NRXN3: variants seen among roughly 807,000 people sequenced by gnomAD.
The protein encoded by NRXN3 is neurexin III.
Under a neutral mutation model 137.6 loss-of-function variants are expected in NRXN3, and 32 were observed. That is an observed-to-expected ratio of 0.23 (90% CI 0.18 to 0.31). The LOEUF (loss-of-function observed/expected upper bound fraction) is 0.31, where lower values mean the gene tolerates loss of function less well. Ranked by LOEUF, NRXN3 falls within the 10% of genes least tolerant of loss-of-function variation. The pLI is 1.00. For synonymous variants in NRXN3, 798 were observed against 784.5 expected (o/e 1.02, Z -0.29); for missense variants, 1,574 against 2,062.5 (o/e 0.76, Z 4.59).
At chr14:79,203,040 G>T (rs1007403986) in intron 15 of NRXN3, among the ~76,000 whole-genome samples, 2 of 151,804 alleles carry the variant, frequency 1.3e-5, no homozygotes, top group Non-Finnish European at 2.9e-5. Context: ...TTGATTTTTT[G>T]ATTATGGCCA....
At chr14:79,608,819 C>T (rs2098059506) in intron 16 of NRXN3, among the ~76,000 whole-genome samples, 1 of 151,900 alleles carries the variant, frequency 6.6e-6, no homozygotes, top group South Asian at 2.1e-4. Context: ...AAACCCCAAA[C>T]CTTTATGTAA....
chr14:79,039,096 G>A (rs956674099), intron 15 of NRXN3, among the ~76,000 whole-genome samples: 10 of 152,086 alleles, frequency 6.6e-5, no homozygotes, highest in Admixed American at 5.2e-4. Context: ...AGGTGTCTCC[G>A]AAAGAACTCT....
At chr14:79,433,079 T>C (rs2095790315) in intron 15 of NRXN3, among the ~76,000 whole-genome samples, 1 of 152,200 alleles carries the variant, frequency 6.6e-6, no homozygotes, top group Non-Finnish European at 1.5e-5. Context: ...ACATTCTAAA[T>C]TTATAGTGCA....
In NRXN3 at chr14:78,760,972, G is replaced by A. The variant is rs2098690532; in HGVS notation, c.2045-42648G>A. 3.3e-5 allele frequency among the ~76,000 whole-genome samples: 5 copies of A among 152,140 alleles called. No individual in the cohort carries two copies. The South Asian group carries it at 1.0e-3, about 31-fold the overall frequency. On this transcript the variant is annotated intron_variant, in intron 8 of 20. Transcript: ENST00000335750. The stretch of plus-strand genomic sequence containing the variant: ...AAGGTAGTAATTACCAAACAGAGTA[G>A]TATAGATCACCGTAATGACATATTT...
At chr14:79,049,159 G>A (rs1482006097) in intron 15 of NRXN3, among the ~76,000 whole-genome samples, 1 of 146,066 alleles carries the variant, frequency 6.8e-6, no homozygotes, top group Non-Finnish European at 1.5e-5. Context: ...TCTGTACTAT[G>A]TGATGCTGTT....
rs2099192528 is a variant in NRXN3, at chr14:79,803,936, TATATATATGTATATATATATAC to T, written c.4015-1163_4015-1142del. Among the ~76,000 whole-genome samples the T allele has an allele frequency of 2.9e-5, 4 of 139,906 alleles. No homozygotes were observed. The South Asian group carries it at 6.9e-4, about 24-fold the overall frequency. 91.8% of individuals were successfully genotyped at this position (139,906 alleles called of 152,430 possible). On this transcript the variant is annotated intron_variant, in intron 19 of 20. Transcript: ENST00000335750. ...ATGTATATATATATATGTGTGTGTA[TATATATATGTATATATATATAC>T]ATATATATGTATGTATGTATGTGTA...
chr14:79,719,038 T>C (rs1470705476), intron 19 of NRXN3, among the ~76,000 whole-genome samples: 1 of 152,184 alleles, frequency 6.6e-6, no homozygotes, highest in Non-Finnish European at 1.5e-5. Context: ...GTTACCTTCT[T>C]TTAGAAAACA....
chr14:78,444,196 A>G (rs2094345376), intron 4 of NRXN3, among the ~76,000 whole-genome samples: 1 of 152,182 alleles, frequency 6.6e-6, no homozygotes, highest in Admixed American at 6.5e-5. Context: ...TCCCTCAAAT[A>G]TTTTATTCTC....
chr14:78,584,694 C>G (rs1486040645), intron 4 of NRXN3, among the ~76,000 whole-genome samples: 1 of 152,208 alleles, frequency 6.6e-6, no homozygotes, highest in Non-Finnish European at 1.5e-5. Context: ...TGTAACATAA[C>G]CTCCTTCTCC....
intron 6 of NRXN3, among the ~76,000 whole-genome samples, chr14:78,698,838 G>T (rs1054192581): frequency 6.6e-6 from 1 of 151,998 alleles, no homozygotes; most frequent in Admixed American, 6.6e-5. Context: ...GTGGTTCCAA[G>T]AAATGCCTTT....
chr14:78,645,747 C>G (rs114856917), intron 5 of NRXN3, among the ~76,000 whole-genome samples: 1,595 of 151,652 alleles, frequency 0.011, 33 homozygotes, highest in African/African-American at 0.037. Flanking sequence ...TGAATCTTAT[C>G]GTATTATTGT....
chr14:78,952,233 G>GT (rs35821335), intron 10 of NRXN3, among the ~76,000 whole-genome samples: 3,909 of 149,910 alleles, frequency 0.026, 76 homozygotes, highest in African/African-American at 0.05. Context: ...GATTTAAAAT[G>GT]TTTTTTTTTT....
At chr14:79,373,492 GT>G (rs1340762836) in intron 15 of NRXN3, among the ~76,000 whole-genome samples, 1 of 152,134 alleles carries the variant, frequency 6.6e-6, no homozygotes, top group African/African-American at 2.4e-5. Context: ...AAGCGATTTA[GT>G]TTTTTGCATT....
chr14:78,547,213 TTA>T (rs60203896), intron 4 of NRXN3, among the ~76,000 whole-genome samples: 50,812 of 132,438 alleles, frequency 0.38, 8,539 homozygotes, highest in Non-Finnish European at 0.42. Context: ...TTTTTTTCAT[TTA>T]TTTTTTTTTG....
chr14:78,807,526 G>A (rs2098880320), intron 9 of NRXN3, among the ~76,000 whole-genome samples: 1 of 151,786 alleles, frequency 6.6e-6, no homozygotes, highest in Non-Finnish European at 1.5e-5. Flanking sequence ...AGCCCATCAC[G>A]AGGTCAGGAG....
chr14:79,467,788 C>T (rs1447734210), intron 16 of NRXN3, among the ~76,000 whole-genome samples: 1 of 152,140 alleles, frequency 6.6e-6, no homozygotes, highest in East Asian at 1.9e-4. Flanking sequence ...ATTTGGCAAA[C>T]CTTCTGTAAA....
intron 8 of NRXN3, among the ~76,000 whole-genome samples, chr14:78,733,206 G>A (rs1225293955): frequency 1.3e-5 from 2 of 152,088 alleles, no homozygotes; most frequent in Admixed American, 1.3e-4. Context: ...GACCATGCCT[G>A]CTGCACTATT....
At position 78,943,620 on chromosome 14, in the gene NRXN3, AAATATATATATATATATATATATAT is replaced by A. The variant is rs1419118879; in HGVS notation, c.2276-13620_2276-13596del. On this transcript the variant is annotated intron_variant, in intron 10 of 20. Transcript: ENST00000335750. ...AAGCAAGATCACTGTTAAAAAAAAA[AAATATATATATATATATATATATAT>A]ATATATATATATATATATATATATA... Among the ~76,000 whole-genome samples, 29 of 32,098 alleles carry A rather than the reference AAATATATATATATATATATATATAT, an allele frequency of 9.0e-4. 4 individuals carry two copies. Among genetic ancestry groups the A allele is most frequent in the East Asian group, 2.8e-3 (3 of 1,082 alleles). 21.1% of individuals were successfully genotyped at this position (32,098 alleles called of 152,430 possible).
intron 15 of NRXN3, among the ~76,000 whole-genome samples, chr14:79,194,027 A>G (rs1471675723): frequency 6.6e-6 from 1 of 152,234 alleles, no homozygotes; most frequent in Non-Finnish European, 1.5e-5. Flanking sequence ...TTCTTCAAAC[A>G]CTTAGACTAT....
Sources: allele counts gnomAD v4.1 joint callset (sites outside exome capture counted in the v4.1 genomes callset), GRCh38; gene constraint gnomAD v4.1.1; transcripts MANE v1.5; gene names NCBI Gene and HGNC (gene_info 2026-07-23, HGNC 2026-07-21).